Variants in BSG observed in about 807,000 individuals in gnomAD.
The protein encoded by BSG is basigin (Ok blood group), also known as basigin.
A neutral mutation model predicts 43.1 loss-of-function variants in BSG; 37 were observed. That is an observed-to-expected ratio of 0.86 (90% CI 0.66 to 1.13). The LOEUF (loss-of-function observed/expected upper bound fraction) is 1.13, where lower values mean the gene tolerates loss of function less well. Among genes scored for constraint, BSG ranks in the 50% most tolerant of loss-of-function variants. The pLI is 0.00. For synonymous variants in BSG, 309 were observed against 238.7 expected, an observed-to-expected ratio of 1.29 and a Z score of -2.72; for missense variants, 599 against 554.2, an observed-to-expected ratio of 1.08 and a Z score of -0.81.
chr19:573,283 G>A (rs959868825), intron 1 of BSG, among the ~76,000 whole-genome samples: 1 of 152,166 alleles, frequency 6.6e-6, no homozygotes, highest in African/African-American at 2.4e-5. Context: ...GGAATCTGGA[G>A]ACGGGTCCAC....
Position 582,895 on chromosome 19 carries a change from G to T in BSG, c.*151G>T. ...ACTTCCTTCTTTTTTAAAAAAGTTG[G>T]GTTTTCTCCATTCAGGATTCTGTTC... On this transcript the variant is annotated 3_prime_UTR_variant, in exon 9 of 9. Transcript: ENST00000333511. 1 of 421,782 alleles carries T rather than the reference G, an allele frequency of 2.4e-6. No individual in the cohort carries two copies. Among genetic ancestry groups the T allele is most frequent in the South Asian group, 3.4e-5 (1 of 29,078 alleles). The allele number at this position is 421,782 out of a possible 1,614,324, so 26.1% of individuals were successfully genotyped here. A position where few individuals can be genotyped will look rare whatever the true frequency, so the allele number is the denominator to read the frequency against.
At position 578,000 on chromosome 19, in the gene BSG, C is replaced by G. The variant is rs570860899; in HGVS notation, c.294C>G (p.Leu98=). Reference sequence around the variant, plus strand: ...CCAGCACCATCTCCATCGACACGCTCGTGGAGGAGGACACGGGCACTTACG... The same window carrying G: ...CCAGCACCATCTCCATCGACACGCTGGTGGAGGAGGACACGGGCACTTACG... ...HAASTISIDT[L]VEEDTGTYEC... Residue 98 remains leucine, a synonymous_variant, in exon 2 of 9, where the codon CTC becomes CTG. Coordinates refer to ENST00000333511, the MANE Select transcript of BSG (RefSeq NM_001728.4). 2 of 1,612,156 alleles carry G rather than the reference C, an allele frequency of 1.2e-6. No individual in the cohort carries two copies. Among genetic ancestry groups the G allele is most frequent in the African/African-American group, 1.3e-5 (1 of 75,042 alleles).
chr19:582,251 A>C, intron 6 of BSG, 55 bp from the exon 7 acceptor site: 2 of 1,599,914 alleles, frequency 1.3e-6, no homozygotes, highest in Admixed American at 1.8e-5. Context: ...GAGTGGGGCC[A>C]GTGCTGACAG....
Position 582,071 on chromosome 19 carries a change from G to A in BSG, c.1070-235G>A, listed in dbSNP as rs532703227. Among the ~76,000 whole-genome samples, 336 of 152,196 alleles carry A rather than the reference G, an allele frequency of 2.2e-3. 3 individuals are homozygous for A. Among genetic ancestry groups the A allele is most frequent in the South Asian group, 0.012 (58 of 4,826 alleles). ...GCTGTGGGGCAGGGGTGAGGCCCAC[G>A]AGGCCATGGGGACAGCTCACCATGG... On this transcript the variant is annotated intron_variant, in intron 6 of 8. Coordinates refer to ENST00000333511, the MANE Select transcript of BSG (RefSeq NM_001728.4).
At position 582,297 on chromosome 19, in the gene BSG, C is replaced by T. The variant is rs1296742870; in HGVS notation, c.1070-9C>T. The T allele has an allele frequency of 3.1e-6, 5 of 1,603,828 alleles. No homozygotes were observed. The highest frequency in any genetic ancestry group is 4.2e-6 in the Non-Finnish European group (5 of 1,177,886). On this transcript the variant is annotated splice_polypyrimidine_tract_variant and intron_variant, in intron 6 of 8. Coordinates refer to ENST00000333511, the MANE Select transcript of BSG (RefSeq NM_001728.4). The stretch of plus-strand genomic sequence containing the variant: ...CGTCCTCTTTTTCATGGCGGCGGTC[C>T]TTCTTCAGATGACGACGCCGGCTCT...
At chr19:579,473 C>T (rs1202573320) in intron 2 of BSG, 27 bp from the exon 3 acceptor site, 3 of 1,611,360 alleles carry the variant, frequency 1.9e-6, no homozygotes, top group Admixed American at 1.7e-5. Context: ...CTCCACTCTG[C>T]TGACCGCGTC....
chr19:571,855 T>G (rs1981266257), upstream of BSG: 9 of 494,536 alleles, frequency 1.8e-5, no homozygotes, highest in South Asian at 2.0e-4. Flanking sequence ...TTTTTTAAAA[T>G]AGGGTAAACG....
chr19:571,340 G>C (rs1029151042), upstream of BSG: 5 of 597,754 alleles, frequency 8.4e-6, no homozygotes, highest in Non-Finnish European at 1.5e-5. Flanking sequence ...CTTAGTCTGC[G>C]GTCCTCTTGC....
In BSG at chr19:579,615, G is replaced by A. The variant is rs531651313; in HGVS notation, c.531G>A (p.Val177=). The change falls in exon 3 of 9, where the codon GTG becomes GTA. Residue 177 remains valine (V), a synonymous_variant. Transcript: ENST00000333511. The part of the protein sequence containing the change: ...TGHRWLKGGV[V]LKEDALPGQK... The stretch of plus-strand genomic sequence containing the variant: ...ACCGCTGGCTGAAGGGGGGCGTGGT[G>A]CTGAAGGAGGACGCGCTGCCCGGCC... 1.9e-6 allele frequency: 3 copies of A among 1,612,366 alleles called. No homozygotes were observed. Among genetic ancestry groups the A allele is most frequent in the East Asian group, 2.2e-5 (1 of 44,876 alleles).
Position 582,473 on chromosome 19 carries a change from C to T in BSG, c.1095-41C>T, listed in dbSNP as rs369514563. ...GGCAGGGGTGACTTGGAGAGAGTGACTTGCGGGGGACACCCTCTCACCCGG... is the reference window on the plus strand; with the variant it reads ...GGCAGGGGTGACTTGGAGAGAGTGATTTGCGGGGGACACCCTCTCACCCGG... On this transcript the variant is annotated intron_variant, in intron 7 of 8. Transcript: ENST00000333511. The T allele has an allele frequency of 2.1e-4, 333 of 1,602,974 alleles. 1 individual carries two copies. The highest frequency in any genetic ancestry group is 1.3e-3 in the Middle Eastern group (8 of 5,956).
intron 2 of BSG, 98 bp from the exon 3 acceptor site, chr19:579,402 G>A: frequency 6.5e-7 from 1 of 1,528,184 alleles, no homozygotes; most frequent in Non-Finnish European, 9.0e-7. Flanking sequence ...ATGAAAACCA[G>A]TCCTTCCCGG....
Position 578,073 on chromosome 19 carries a change from C to T in BSG, c.367C>T (p.Pro123Ser). Reference sequence around the variant, plus strand: ...GGATCGCAACCACCTGACCCGGGCGCCCAGGGTCAAGTGGGTCCGCGCCCA... The same window carrying T: ...GGATCGCAACCACCTGACCCGGGCGTCCAGGGTCAAGTGGGTCCGCGCCCA... ...DPDRNHLTRA[P>S]RVKWVRAQAV... Residue 123 changes from proline (P) to serine (S), a missense_variant, in exon 2 of 9, where the codon CCC (proline) becomes TCC (serine). By Grantham distance (74) the Pro-to-Ser change is moderately conservative (BLOSUM62 -1). Transcript: ENST00000333511. 1 of 1,607,594 alleles carries T rather than the reference C, an allele frequency of 6.2e-7. No homozygotes were observed. Among genetic ancestry groups the T allele is most frequent in the Non-Finnish European group, 8.5e-7 (1 of 1,176,840 alleles).
At position 579,156 on chromosome 19, in the gene BSG, C is replaced by T. The variant is rs1235268339; in HGVS notation, c.416-344C>T. Reference sequence around the variant, plus strand: ...TGGGTGCCTTGTCTGTCCCCACACCCTGGTCCCAGCCTCGTGTGTCTCTGG... The same window carrying T: ...TGGGTGCCTTGTCTGTCCCCACACCTTGGTCCCAGCCTCGTGTGTCTCTGG... On this transcript the variant is annotated intron_variant, in intron 2 of 8. Transcript: ENST00000333511. 8.3e-6 allele frequency: 4 copies of T among 483,640 alleles called. No homozygotes were observed. The Middle Eastern group carries it at 9.2e-4, about 111-fold the overall frequency. 30.0% of individuals were successfully genotyped at this position (483,640 alleles called of 1,614,324 possible).
At chr19:573,996 TG>T (rs1981529796) in intron 1 of BSG, among the ~76,000 whole-genome samples, 2 of 152,258 alleles carry the variant, frequency 1.3e-5, no homozygotes, top group South Asian at 4.1e-4. Flanking sequence ...GGCTCACACC[TG>T]TAATCCCAGC....
At position 579,590 on chromosome 19, in the gene BSG, A is replaced by G. The variant is rs767573364; in HGVS notation, c.506A>G (p.His169Arg). ...GACAGCGCCACAGAGGTCACAGGGC[A>G]CCGCTGGCTGAAGGGGGGCGTGGTG... is the stretch of plus-strand genomic sequence containing the variant. ...LNDSATEVTG[H>R]RWLKGGVVLK... The change falls in exon 3 of 9, where the codon CAC (histidine) becomes CGC (arginine). Residue 169 changes from histidine to arginine, a missense_variant. His to Arg is a conservative substitution (Grantham distance 29). Coordinates refer to ENST00000333511, the MANE Select transcript of BSG (RefSeq NM_001728.4). The G allele has an allele frequency of 1.9e-6, 3 of 1,612,636 alleles. No individual in the cohort carries two copies. The highest frequency in any genetic ancestry group is 2.2e-5 in the East Asian group (1 of 44,870).
chr19:579,831 C>A, intron 3 of BSG, 175 bp downstream of exon 3: 1 of 1,020,194 alleles, frequency 9.8e-7, no homozygotes, highest in Non-Finnish European at 1.4e-6. Flanking sequence ...GTCTGAGGGG[C>A]GTCCTTGTGA....
intron 3 of BSG, chr19:580,098 G>T: frequency 2.1e-6 from 1 of 466,084 alleles, no homozygotes; most frequent in Non-Finnish European, 3.8e-6. Flanking sequence ...GGCTGACTGG[G>T]AAGACGGTCA....
Position 577,936 on chromosome 19 carries a change from A to T in BSG, c.230A>T (p.Asp77Val), listed in dbSNP as rs1981922387. Residue 77 changes from aspartate to valine, a missense_variant, in exon 2 of 9, where the codon GAC becomes GTC. Transcript: ENST00000333511. ...CAGCTCTGGGACGGCGCCCGGCTGG[A>T]CCGCGTCCACATCCACGCCACCTAC... is the stretch of plus-strand genomic sequence containing the variant. ...CSQLWDGARL[D>V]RVHIHATYHQ... 6.2e-7 allele frequency: 1 copy of T among 1,607,562 alleles called. No individual in the cohort carries two copies. Among genetic ancestry groups the T allele is most frequent in the Non-Finnish European group, 8.5e-7 (1 of 1,176,794 alleles).
upstream of BSG, chr19:572,485 CG>C (rs28915404): frequency 2.5e-6 from 3 of 1,181,296 alleles, no homozygotes; most frequent in Non-Finnish European, 3.1e-6. Context: ...CGTGCGCAGG[CG>C]GGGCGACCGG....
Sources: gnomAD v4.1 joint callset for allele counts (sites outside exome capture counted in the v4.1 genomes callset) on GRCh38, gnomAD v4.1.1 for gene constraint, MANE v1.5 for transcripts, NCBI Gene and HGNC (gene_info 2026-07-23, HGNC 2026-07-21) for gene names.